Variants in RP1 observed in about 807,000 individuals in gnomAD.
RP1 encodes RP1 axonemal microtubule associated, also known as oxygen-regulated protein 1.
A neutral mutation model predicts 14.8 loss-of-function variants in RP1; 16 were observed. The observed-to-expected ratio is 1.08, with a 90% CI of 0.73 to 1.65. The LOEUF is 1.65. RP1 is among the 40% of genes most tolerant of loss of function. RP1 has a pLI of 0.00. For synonymous variants in RP1, 876 were observed against 883.6 expected, an observed-to-expected ratio of 0.99 and a Z score of 0.15; for missense variants, 2,631 against 2,535.0, an observed-to-expected ratio of 1.04 and a Z score of -0.81.
chr8:54,819,529 T>TGTTGAC (rs1481314012), intron 24 of RP1, among the ~76,000 whole-genome samples: 1 of 152,104 alleles, frequency 6.6e-6, no homozygotes, highest in East Asian at 1.9e-4. Context: ...TGTAGATGAT[T>TGTTGAC]GTTGACGTCT....
chr8:54,830,500 T>C (rs1190344247), intron 24 of RP1, among the ~76,000 whole-genome samples: 1 of 152,156 alleles, frequency 6.6e-6, no homozygotes, highest in African/African-American at 2.4e-5. Flanking sequence ...CTAATGTTAA[T>C]ATACAGATGC....
intron 1 of RP1, among the ~76,000 whole-genome samples, chr8:54,577,684 G>A (rs1038961250): frequency 2.4e-4 from 36 of 152,072 alleles, no homozygotes; most frequent in Non-Finnish European, 2.1e-4. Context: ...AGATAATATT[G>A]TAAGATATAT....
intron 1 of RP1, among the ~76,000 whole-genome samples, chr8:54,600,251 A>G (rs961868067): frequency 6.6e-6 from 1 of 152,152 alleles, no homozygotes; most frequent in Non-Finnish European, 1.5e-5. Context: ...GCCTGCCATA[A>G]TGTAAGAAGT....
At chr8:54,820,256 G>A (rs571494962) in intron 24 of RP1, among the ~76,000 whole-genome samples, 1 of 152,140 alleles carries the variant, frequency 6.6e-6, no homozygotes, top group South Asian at 2.1e-4. Context: ...GCTGGGGGAG[G>A]GGTGAGGCAA....
intron 19 of RP1, among the ~76,000 whole-genome samples, chr8:54,745,468 T>C (rs1303963903): frequency 1.3e-5 from 2 of 152,212 alleles, no homozygotes; most frequent in East Asian, 3.8e-4. Flanking sequence ...AATCCAGGAA[T>C]TTTAAGTTTC....
intron 16 of RP1, among the ~76,000 whole-genome samples, chr8:54,724,928 T>C (rs4490811): frequency 6.6e-6 from 1 of 152,214 alleles, no homozygotes; most frequent in African/African-American, 2.4e-5. Context: ...ACTGGCCCTG[T>C]TGTGCAACCC....
At chr8:54,772,591 C>T (rs1809935147), downstream of RP1, among the ~76,000 whole-genome samples, 1 of 152,036 alleles carries the variant, frequency 6.6e-6, no homozygotes, top group Non-Finnish European at 1.5e-5. Context: ...ATATTTCATC[C>T]TCCAGTAACC....
chr8:54,693,237 G>T (rs1269789574), intron 12 of RP1, among the ~76,000 whole-genome samples: 1 of 152,174 alleles, frequency 6.6e-6, no homozygotes, highest in Non-Finnish European at 1.5e-5. Context: ...AGTATAGTTT[G>T]AAGTCAGGTA....
In RP1 at chr8:54,621,249, C is replaced by G; in HGVS notation, c.283C>G (p.Leu95Val). 6.2e-7 allele frequency: 1 copy of G among 1,614,138 alleles called. No individual in the cohort carries two copies. The highest frequency in any genetic ancestry group is 1.1e-5 in the South Asian group (1 of 91,082). The change falls in exon 2 of 4, where the codon CTG (leucine) becomes GTG (valine). Residue 95 changes from leucine to valine, a missense_variant. Physicochemically the swap from Leu to Val is conservative, Grantham distance 32 (BLOSUM62 1). Transcript: ENST00000220676. ...TCGGGGCAGGCACAGCATCACGCGC[C>G]TGGAGGAGCTGGAGGACGGCGAGTC... ...TPRGRHSITRLEELEDGESYL... is the reference protein window; with the variant it reads ...TPRGRHSITRVEELEDGESYL...
In RP1 at chr8:54,854,453, C is replaced by T. The variant is rs1275326576; in HGVS notation, c.3990+1725C>T. On this transcript the variant is annotated intron_variant, in intron 26 of 28. Coordinates refer to the RP1 transcript ENST00000637698. ...ACAACTTCTATTTTACATCAAATCC[C>T]CAAATCAGTTTTATGTAACATTATA... is the stretch of plus-strand genomic sequence containing the variant. Among the ~76,000 whole-genome samples the T allele has an allele frequency of 3.9e-5, 6 of 152,206 alleles. No individual in the cohort carries two copies. In the South Asian group the frequency reaches 1.2e-3, roughly 32 times the overall value.
rs1810241747 is a variant in RP1 at position 54,783,580 on chromosome 8, A to T, written c.3485A>T (p.Asp1162Val). 3 of 1,231,506 alleles carry T rather than the reference A, an allele frequency of 2.4e-6. No individual in the cohort carries two copies. In the African/African-American group the frequency reaches 4.7e-5, roughly 19 times the overall value. 76.3% of individuals were successfully genotyped at this position (1,231,506 alleles called of 1,614,324 possible). Residue 1162 changes from aspartate to valine, a missense_variant, in exon 24 of 29, where the codon GAT becomes GTT. Asp to Val is a radical substitution (Grantham distance 152). Coordinates refer to the RP1 transcript ENST00000637698. ...TGGAAGGTGACCATTGTCACTGGGG[A>T]TCTTGAAAATGCCGGCACCACGGCA...
chr8:54,667,250 G>A (rs1002568607), intron 7 of RP1, among the ~76,000 whole-genome samples: 1 of 152,054 alleles, frequency 6.6e-6, no homozygotes, highest in Non-Finnish European at 1.5e-5. Flanking sequence ...CTTACAAATA[G>A]GAAGACTGCA....
At chr8:54,611,129 C>T (rs1805581105), upstream of RP1, among the ~76,000 whole-genome samples, 1 of 152,252 alleles carries the variant, frequency 6.6e-6, no homozygotes, top group East Asian at 1.9e-4. Flanking sequence ...TCCCTTGTAT[C>T]TGATGAATTG....
chr8:54,796,077 A>G (rs1810569524), intron 24 of RP1, among the ~76,000 whole-genome samples: 1 of 152,188 alleles, frequency 6.6e-6, no homozygotes, highest in South Asian at 2.1e-4. Context: ...TTGGTAGCCA[A>G]GGAATTATCG....
At chr8:54,813,537 T>A (rs962424056) in intron 24 of RP1, among the ~76,000 whole-genome samples, 1 of 152,260 alleles carries the variant, frequency 6.6e-6, no homozygotes, top group Non-Finnish European at 1.5e-5. Context: ...TTCCACTCCA[T>A]GGATATAAAG....
At chr8:54,808,760 G>A (rs1810918136) in intron 24 of RP1, among the ~76,000 whole-genome samples, 1 of 152,178 alleles carries the variant, frequency 6.6e-6, no homozygotes, top group Non-Finnish European at 1.5e-5. Flanking sequence ...AGGGACTGAT[G>A]AACAGACATT....
rs376803559 is a variant in RP1, at chr8:54,685,496, T to G, written c.1717+5563T>G. On this transcript the variant is annotated intron_variant, in intron 12 of 22. Transcript: ENST00000636932. ...AATTTCTTAATTTTGAGTTCTAATTTGACTGCACTGTGATCTGAGAGACTG... is the reference window on the plus strand; with the variant it reads ...AATTTCTTAATTTTGAGTTCTAATTGGACTGCACTGTGATCTGAGAGACTG... Among the ~76,000 whole-genome samples the G allele has an allele frequency of 1.2e-4, 19 of 152,340 alleles. No individual in the cohort carries two copies. The East Asian group carries it at 2.9e-3, about 23-fold the overall frequency.
At chr8:54,793,737 G>A (rs1374297767) in intron 24 of RP1, among the ~76,000 whole-genome samples, 5 of 151,872 alleles carry the variant, frequency 3.3e-5, no homozygotes, top group Non-Finnish European at 7.4e-5. Flanking sequence ...ATGGTGAAAA[G>A]CTGAAGGCTT....
upstream of RP1, among the ~76,000 whole-genome samples, chr8:54,611,925 G>T: frequency 9.9e-6 from 1 of 101,296 alleles, no homozygotes; most frequent in Admixed American, 1.5e-4. Context: ...ATTCCCCCCT[G>T]CCCCCCAACC....
Sources: gnomAD v4.1 joint callset for allele counts (sites outside exome capture counted in the v4.1 genomes callset) on GRCh38, gnomAD v4.1.1 for gene constraint, MANE v1.5 for transcripts, NCBI Gene and HGNC (gene_info 2026-07-23, HGNC 2026-07-21) for gene names.